TMEM87B: variants seen among roughly 807,000 people sequenced by gnomAD.
TMEM87B encodes the protein transmembrane protein 87B.
A neutral mutation model predicts 80.3 loss-of-function variants in TMEM87B; 83 were observed. The observed-to-expected ratio is 1.03, with a 90% CI of 0.87 to 1.24. TMEM87B has a LOEUF of 1.24. Among genes scored for constraint, TMEM87B ranks in the 50% most tolerant of loss-of-function variants. TMEM87B has a pLI of 0.00. For synonymous variants in TMEM87B, 219 were observed against 230.5 expected, an observed-to-expected ratio of 0.95 and a Z score of 0.45; for missense variants, 625 against 674.4, an observed-to-expected ratio of 0.93 and a Z score of 0.81.
chr2:112,071,362 C>T (rs1453768512), intron 4 of TMEM87B, among the ~76,000 whole-genome samples: 9 of 140,246 alleles, frequency 6.4e-5, no homozygotes, highest in South Asian at 2.4e-4. Flanking sequence ...AGTGCAATGG[C>T]GCAGTCTCTG....
Position 112,116,182 on chromosome 2 carries a change from C to G in TMEM87B, c.*39C>G. ...AAGAAATGTAGTTAAGCCTGAAGGA[C>G]TATCCTTCATCAAGACTGAAAGTGA... On this transcript the variant is annotated 3_prime_UTR_variant, in exon 19 of 19. Transcript: ENST00000283206. 13 of 1,539,086 alleles carry G rather than the reference C, an allele frequency of 8.4e-6. No homozygotes were observed. Among genetic ancestry groups the G allele is most frequent in the South Asian group, 1.2e-5 (1 of 86,102 alleles).
chr2:112,101,393 A>C (rs1679627773), intron 15 of TMEM87B, among the ~76,000 whole-genome samples: 1 of 152,104 alleles, frequency 6.6e-6, no homozygotes, highest in South Asian at 2.1e-4. Context: ...AAGTGGCTTA[A>C]CCTCTAGCTA....
rs1452627804 is a variant in TMEM87B at position 112,091,745 on chromosome 2, A to G, written c.1066A>G (p.Ile356Val). 1 of 1,613,452 alleles carries G rather than the reference A, an allele frequency of 6.2e-7. No individual in the cohort carries two copies. Among genetic ancestry groups the G allele is most frequent in the Non-Finnish European group, 8.5e-7 (1 of 1,179,694 alleles). Residue 356 changes from isoleucine to valine, a missense_variant, in exon 11 of 19, where the codon ATT becomes GTT. Coordinates refer to ENST00000283206, the MANE Select transcript of TMEM87B (RefSeq NM_032824.3). Reference sequence around the variant, plus strand: ...CCATTTAGCTGTTGTTCTTGATGACATTATTTTAGCAGTTATTGACTCCAT... The same window carrying G: ...CCATTTAGCTGTTGTTCTTGATGACGTTATTTTAGCAGTTATTGACTCCAT... ...SNHLAVVLDDIILAVIDSIFV... is the reference protein window; with the variant it reads ...SNHLAVVLDDVILAVIDSIFV...
chr2:112,055,598 G>C lies in TMEM87B; in HGVS notation c.7G>C (p.Ala3Pro). The C allele has an allele frequency of 6.6e-7, 1 of 1,517,110 alleles. No homozygotes were observed. The highest frequency in any genetic ancestry group is 8.8e-7 in the Non-Finnish European group (1 of 1,135,094). The allele number at this position is 1,517,110 out of a possible 1,614,324, so 94.0% of individuals were successfully genotyped here. Residue 3 changes from alanine (A) to proline (P), a missense_variant, in exon 1 of 19, where the codon GCC (alanine) becomes CCC (proline). Physicochemically the swap from Ala to Pro is conservative, Grantham distance 27. Transcript: ENST00000283206. MV[A>P]ACRSVAGLLP... ...GTGCAGCTTCCTGGTCAAGATGGTC[G>C]CCGCCTGCCGCTCGGTAGCCGGGCT...
rs1274212575 is a variant in TMEM87B at position 112,055,296 on chromosome 2, CCCAGCCT to C, written c.-292_-286del. ...CTTCACGCCCACGCTAGGCCCTGAG[CCCAGCCT>C]CCACGTCTCGCCGCCAACTCCACAT... On this transcript the variant is annotated 5_prime_UTR_variant, in exon 1 of 19. Coordinates refer to ENST00000283206, the MANE Select transcript of TMEM87B (RefSeq NM_032824.3). The C allele has an allele frequency of 6.6e-6, 3 of 453,834 alleles. No homozygotes were observed. The highest frequency in any genetic ancestry group is 6.2e-5 in the African/African-American group (3 of 48,114). The allele number at this position is 453,834 out of a possible 1,614,324, so 28.1% of individuals were successfully genotyped here.
intron 11 of TMEM87B, chr2:112,095,298 G>C: frequency 1.0e-6 from 1 of 977,246 alleles, no homozygotes; most frequent in Non-Finnish European, 1.2e-6. Flanking sequence ...TTGTGCTGGT[G>C]GATATCCTTT....
intron 15 of TMEM87B, among the ~76,000 whole-genome samples, chr2:112,103,653 A>T (rs1248443994): frequency 1.3e-5 from 2 of 152,150 alleles, no homozygotes; most frequent in African/African-American, 2.4e-5. Flanking sequence ...AGGTTAGAGG[A>T]GGGGGAAAGT....
At chr2:112,083,109 T>A (rs1679048654) in intron 8 of TMEM87B, among the ~76,000 whole-genome samples, 1 of 152,214 alleles carries the variant, frequency 6.6e-6, no homozygotes, top group Non-Finnish European at 1.5e-5. Flanking sequence ...ATTAGAAGGA[T>A]GAGAAGCATT....
At chr2:112,100,808 A>T (rs1385093891) in intron 15 of TMEM87B, 113 bp downstream of exon 15, 3 of 575,186 alleles carry the variant, frequency 5.2e-6, no homozygotes, top group Non-Finnish European at 8.5e-6. Context: ...AAAATATTTT[A>T]AAAACTTTTA....
intron 18 of TMEM87B, among the ~76,000 whole-genome samples, chr2:112,115,248 A>G (rs1161318284): frequency 8.1e-6 from 1 of 123,260 alleles, no homozygotes; most frequent in African/African-American, 3.1e-5. Context: ...TTACAGAAAG[A>G]TTCATAACTC....
rs1242640073 is a variant in TMEM87B at position 112,117,109 on chromosome 2, T to TA, written c.*967dup. On this transcript the variant is annotated 3_prime_UTR_variant, in exon 19 of 19. Coordinates refer to ENST00000283206, the MANE Select transcript of TMEM87B (RefSeq NM_032824.3). The stretch of plus-strand genomic sequence containing the variant: ...TAAGCTTCAACCATGTTTTATACCT[T>TA]ATTTCGTTACATCATATATTTGTAA... The TA allele has an allele frequency of 6.6e-6, 1 of 152,266 alleles. No homozygotes were observed. Among genetic ancestry groups the TA allele is most frequent in the Non-Finnish European group, 1.5e-5 (1 of 68,050 alleles). 9.4% of individuals were successfully genotyped at this position (152,266 alleles called of 1,614,324 possible). A position where few individuals can be genotyped will look rare whatever the true frequency, so the allele number is the denominator to read the frequency against.
At position 112,112,953 on chromosome 2, in the gene TMEM87B, C is replaced by T. The variant is rs563638281; in HGVS notation, c.1608+24C>T. ...AGGTAAAATATATTTTTGCATATTT[C>T]CTTGGAGCTGATATTTTCACAAAGT... On this transcript the variant is annotated intron_variant, in intron 18 of 18. Coordinates refer to ENST00000283206, the MANE Select transcript of TMEM87B (RefSeq NM_032824.3). The T allele has an allele frequency of 1.9e-5, 31 of 1,603,052 alleles. No individual in the cohort carries two copies. The East Asian group carries it at 6.1e-4, about 31-fold the overall frequency.
chr2:112,076,842 TTGTGTGTGTG>T (rs70962982), intron 5 of TMEM87B, among the ~76,000 whole-genome samples: 7,322 of 139,174 alleles, frequency 0.053, 239 homozygotes, highest in South Asian at 0.16. Flanking sequence ...CTTTTCTGTT[TTGTGTGTGTG>T]TGTGTGTGTG....
At chr2:112,072,619 C>T (rs866806203) in intron 4 of TMEM87B, among the ~76,000 whole-genome samples, 11 of 152,132 alleles carry the variant, frequency 7.2e-5, no homozygotes, top group Admixed American at 6.5e-4. Context: ...GGTAACATTC[C>T]GTTTGTCATT....
At chr2:112,105,253 T>G (rs1208599636) in intron 15 of TMEM87B, among the ~76,000 whole-genome samples, 1 of 152,210 alleles carries the variant, frequency 6.6e-6, no homozygotes, top group Non-Finnish European at 1.5e-5. Context: ...ACCTCATTTT[T>G]ATTTATTACA....
At position 112,110,738 on chromosome 2, in the gene TMEM87B, C is replaced by A. The variant is rs10204243; in HGVS notation, c.1578-2161C>A. Among the ~76,000 whole-genome samples the A allele has an allele frequency of 1.4e-3, 207 of 152,178 alleles. 1 individual carries two copies. The highest frequency in any genetic ancestry group is 2.5e-3 in the Non-Finnish European group (173 of 68,008). ...CTGCAGACCTTCTCCCACCGCCCCCCCCAACTTTTTACTGTCTTCTTTTTA... is the reference window on the plus strand; with the variant it reads ...CTGCAGACCTTCTCCCACCGCCCCCACCAACTTTTTACTGTCTTCTTTTTA... On this transcript the variant is annotated intron_variant, in intron 17 of 18. Coordinates refer to ENST00000283206, the MANE Select transcript of TMEM87B (RefSeq NM_032824.3).
intron 11 of TMEM87B, among the ~76,000 whole-genome samples, chr2:112,094,195 C>T (rs1679389221): frequency 6.7e-6 from 1 of 148,162 alleles, no homozygotes; most frequent in Admixed American, 6.7e-5. Context: ...CGGAGTCTCG[C>T]TCTGTCACCA....
chr2:112,107,942 A>G (rs922430651), intron 17 of TMEM87B, 102 bp downstream of exon 17: 10 of 629,036 alleles, frequency 1.6e-5, no homozygotes, highest in Non-Finnish European at 2.7e-5. Context: ...TCGTACTTGC[A>G]TGTACTTGGG....
intron 9 of TMEM87B, among the ~76,000 whole-genome samples, chr2:112,087,432 C>G (rs1031081542): frequency 6.6e-6 from 1 of 152,040 alleles, no homozygotes; most frequent in Non-Finnish European, 1.5e-5. Context: ...CCCTGACCTT[C>G]GGTTTTTTTT....
Sources: gnomAD v4.1 joint callset for allele counts (sites outside exome capture counted in the v4.1 genomes callset) on GRCh38, gnomAD v4.1.1 for gene constraint, MANE v1.5 for transcripts, NCBI Gene and HGNC (gene_info 2026-07-23, HGNC 2026-07-21) for gene names.